Variants in CFAP91 observed in about 807,000 individuals in gnomAD.
CFAP91 encodes cilia- and flagella-associated protein 91.
In CFAP91, 85 loss-of-function variants were observed where a neutral mutation model predicts 95.9. The ratio of observed to expected loss-of-function variants is 0.89; its 90% CI spans 0.74 to 1.06. The LOEUF (loss-of-function observed/expected upper bound fraction) is 1.06. Among genes scored for constraint, CFAP91 ranks in the 50% least tolerant of loss-of-function variants. The pLI is 0.00. For synonymous variants in CFAP91, 335 were observed against 327.5 expected (o/e 1.02, Z -0.25); for missense variants, 962 against 943.4 (o/e 1.02, Z -0.26).
Position 119,765,680 on chromosome 3 carries a change from TG to T in CFAP91, c.*632del, listed in dbSNP as rs1457682862. ...TGTGTTCATGCAACAGCCATAGAGA[TG>T]GTGCTATTGAAAGGCAATCTGCCCA... is the stretch of plus-strand genomic sequence containing the variant. On this transcript the variant is annotated 3_prime_UTR_variant, in exon 18 of 18. Coordinates refer to ENST00000273390, the MANE Select transcript of CFAP91 (RefSeq NM_033364.4). 6.6e-6 allele frequency: 1 copy of T among 152,238 alleles called. No homozygotes were observed. Among genetic ancestry groups the T allele is most frequent in the Non-Finnish European group, 1.5e-5 (1 of 68,034 alleles). The allele number at this position is 152,238 out of a possible 1,614,324, so 9.4% of individuals were successfully genotyped here. A position where few individuals can be genotyped will look rare whatever the true frequency, so the allele number is the denominator to read the frequency against.
At chr3:119,751,372 G>T (rs572432630) in intron 17 of CFAP91, among the ~76,000 whole-genome samples, 8 of 152,100 alleles carry the variant, frequency 5.3e-5, no homozygotes, top group African/African-American at 1.9e-4. Context: ...TGTGTACCTC[G>T]TCAAATGAAG....
At chr3:119,726,497 G>T in intron 7 of CFAP91, 149 bp downstream of exon 7, 1 of 693,496 alleles carries the variant, frequency 1.4e-6, no homozygotes, top group Non-Finnish European at 2.3e-6. Context: ...GTTCTTTCAG[G>T]AGCAGTCACA....
At chr3:119,707,032 A>G (rs2053377657) in intron 2 of CFAP91, 147 bp downstream of exon 2, 2 of 658,920 alleles carry the variant, frequency 3.0e-6, no homozygotes, top group East Asian at 5.5e-5. Flanking sequence ...TGGAGGGCAA[A>G]GCATCTTAAT....
chr3:119,732,548 G>A, intron 9 of CFAP91, 72 bp downstream of exon 9: 2 of 1,063,788 alleles, frequency 1.9e-6, no homozygotes, highest in South Asian at 1.6e-5. Context: ...TATATAAAAT[G>A]TAGAAATTTA....
intron 13 of CFAP91, among the ~76,000 whole-genome samples, chr3:119,742,876 G>C (rs2054146683): frequency 6.6e-6 from 1 of 152,316 alleles, no homozygotes; most frequent in South Asian, 2.1e-4. Context: ...AACCAGGAAG[G>C]AAGCTGAGCA....
intron 5 of CFAP91, among the ~76,000 whole-genome samples, chr3:119,712,237 G>A (rs578243146): frequency 2.4e-4 from 37 of 152,334 alleles, no homozygotes; most frequent in African/African-American, 8.7e-4. Flanking sequence ...GAAAAAATAG[G>A]TTGGAGAAAT....
At chr3:119,735,071 A>G (rs1188492490) in intron 10 of CFAP91, among the ~76,000 whole-genome samples, 2 of 151,854 alleles carry the variant, frequency 1.3e-5, no homozygotes, top group Non-Finnish European at 2.9e-5. Context: ...TAATCTTTTA[A>G]ATGTTTGTTT....
In CFAP91 at chr3:119,733,526, G is replaced by T; in HGVS notation, c.1344+20G>T. ...CATAAGGTATAATCATTATCTGGAG[G>T]ACAAAATGCTTCTAGTATGATTTTT... On this transcript the variant is annotated intron_variant, in intron 10 of 17. Transcript: ENST00000273390. 6.2e-7 allele frequency: 1 copy of T among 1,600,340 alleles called. No homozygotes were observed. The highest frequency in any genetic ancestry group is 1.1e-5 in the South Asian group (1 of 88,014).
intron 5 of CFAP91, chr3:119,713,282 G>A (rs2053509545): frequency 6.6e-6 from 1 of 151,754 alleles, no homozygotes; most frequent in East Asian, 1.9e-4. Flanking sequence ...ACCACACCCA[G>A]CTAATTTTTT....
At chr3:119,719,472 C>T (rs2053640944) in intron 6 of CFAP91, among the ~76,000 whole-genome samples, 1 of 152,162 alleles carries the variant, frequency 6.6e-6, no homozygotes, top group Non-Finnish European at 1.5e-5. Context: ...ACTGTAAGCA[C>T]TGCGGGGATA....
Position 119,727,759 on chromosome 3 carries a change from C to T in CFAP91, c.860+1411C>T, listed in dbSNP as rs149146425. On this transcript the variant is annotated intron_variant, in intron 7 of 17. Transcript: ENST00000273390. ...AACCCAGGTGAAAGAACAGTTAGTT[C>T]TATTTAAAGTGGGCGATTTGAGAAA... 7.3e-3 allele frequency among the ~76,000 whole-genome samples: 1,118 copies of T among 152,228 alleles called. 12 individuals carry two copies. The highest frequency in any genetic ancestry group is 0.024 in the Middle Eastern group (7 of 294).
chr3:119,715,451 T>G, intron 5 of CFAP91, 111 bp from the exon 6 acceptor site: 1 of 917,964 alleles, frequency 1.1e-6, no homozygotes, highest in Non-Finnish European at 1.8e-6. Flanking sequence ...TGTCAACATT[T>G]AAAAGAGGAA....
At chr3:119,764,956 A>G (rs925174005) in intron 17 of CFAP91, 96 bp from the exon 18 acceptor site, 1 of 152,188 alleles carries the variant, frequency 6.6e-6, no homozygotes, top group African/African-American at 2.4e-5. Flanking sequence ...TAGGGCTCAG[A>G]CACACTGTAT....
At chr3:119,737,590 A>G in intron 11 of CFAP91, 108 bp downstream of exon 11, 1 of 614,320 alleles carries the variant, frequency 1.6e-6, no homozygotes, top group East Asian at 2.9e-5. Context: ...TTAGTTTCCC[A>G]AGCTCTGACT....
intron 4 of CFAP91, 107 bp downstream of exon 4, chr3:119,708,781 C>CT (rs1217359926): frequency 3.2e-5 from 21 of 660,052 alleles, no homozygotes; most frequent in Non-Finnish European, 3.4e-5. Flanking sequence ...GTGCCAGACT[C>CT]TATTTTAAGT....
chr3:119,738,453 A>T (rs1407526771), intron 11 of CFAP91, among the ~76,000 whole-genome samples: 1 of 141,928 alleles, frequency 7.0e-6, no homozygotes, highest in Non-Finnish European at 1.5e-5. Context: ...GGTTCAAGCG[A>T]TTCTCCTGCG....
chr3:119,739,363 T>C (rs2054072620), intron 12 of CFAP91, 37 bp downstream of exon 12: 1 of 1,596,010 alleles, frequency 6.3e-7, no homozygotes, highest in Non-Finnish European at 8.6e-7. Context: ...CATTTCTCTT[T>C]TGAGAATAAA....
In CFAP91 at chr3:119,707,571, G is replaced by A. The variant is rs370086163; in HGVS notation, c.359+10G>A. ...TCCGGCAGCTCACCACGTAAGTGTC[G>A]GGTGGCTCCAGGGCCTAAAATAAAT... On this transcript the variant is annotated intron_variant, in intron 3 of 17. Transcript: ENST00000273390. 917 of 1,548,172 alleles carry A rather than the reference G, an allele frequency of 5.9e-4. 9 individuals are homozygous for A. The South Asian group carries it at 0.01, about 17-fold the overall frequency.
At chr3:119,705,063 C>A (rs138209908) in intron 1 of CFAP91, among the ~76,000 whole-genome samples, 1 of 152,210 alleles carries the variant, frequency 6.6e-6, no homozygotes, top group African/African-American at 2.4e-5. Context: ...GTATCCCCAT[C>A]ATTAAGCAAC....
Sources: allele counts gnomAD v4.1 joint callset (sites outside exome capture counted in the v4.1 genomes callset), GRCh38; gene constraint gnomAD v4.1.1; transcripts MANE v1.5; gene names NCBI Gene and HGNC (gene_info 2026-07-23, HGNC 2026-07-21).